AGBL4: variants seen among roughly 807,000 people sequenced by gnomAD.
The protein encoded by AGBL4 is cytosolic carboxypeptidase 6.
Under a neutral mutation model 66.4 loss-of-function variants are expected in AGBL4, and 58 were observed. That is an observed-to-expected ratio of 0.87 (90% CI 0.71 to 1.09). The LOEUF is 1.09. Ranked by LOEUF, AGBL4 falls within the 50% of genes least tolerant of loss-of-function variation. The pLI is 0.00. For synonymous variants in AGBL4, 234 were observed against 222.9 expected (o/e 1.05, Z -0.44); for missense variants, 579 against 631.0 (o/e 0.92, Z 0.88).
chr1:49,975,452 G>A (rs1658478504), intron 1 of AGBL4, among the ~76,000 whole-genome samples: 2 of 152,264 alleles, frequency 1.3e-5, no homozygotes, highest in South Asian at 2.1e-4. Flanking sequence ...TCAATGCTCA[G>A]AAAATGGCCA....
intron 3 of AGBL4, among the ~76,000 whole-genome samples, chr1:49,495,042 A>G (rs1478900770): frequency 6.6e-6 from 1 of 152,094 alleles, no homozygotes; most frequent in African/African-American, 2.4e-5. Context: ...TATTTACTTA[A>G]TTAGAGTTCT....
intron 4 of AGBL4, among the ~76,000 whole-genome samples, chr1:49,194,069 T>C (rs1036139927): frequency 6.6e-6 from 1 of 152,214 alleles, no homozygotes; most frequent in African/African-American, 2.4e-5. Context: ...TGTTTCTTTG[T>C]TGATTTTCTG....
intron 5 of AGBL4, among the ~76,000 whole-genome samples, chr1:48,868,123 C>T (rs568789030): frequency 4.6e-5 from 7 of 152,200 alleles, no homozygotes; most frequent in African/African-American, 1.7e-4. Context: ...CTTGATTTTC[C>T]CTAAATAGTA....
chr1:49,265,326 A>G (rs1490791301), intron 3 of AGBL4, among the ~76,000 whole-genome samples: 1 of 152,132 alleles, frequency 6.6e-6, no homozygotes, highest in Non-Finnish European at 1.5e-5. Context: ...TGCACCATGT[A>G]CAAAGGTTGG....
chr1:49,917,675 T>C (rs941810306), intron 1 of AGBL4, among the ~76,000 whole-genome samples: 15 of 152,042 alleles, frequency 9.9e-5, no homozygotes, highest in Admixed American at 5.9e-4. Flanking sequence ...GACAGATCAA[T>C]GAGACAGAAA....
chr1:49,272,976 G>A (rs1381669668), intron 3 of AGBL4, among the ~76,000 whole-genome samples: 1 of 152,054 alleles, frequency 6.6e-6, no homozygotes, highest in Non-Finnish European at 1.5e-5. Context: ...AGTTTATACT[G>A]TCTCTACTAG....
intron 2 of AGBL4, among the ~76,000 whole-genome samples, chr1:49,754,248 G>A (rs934100559): frequency 3.3e-5 from 5 of 149,976 alleles, no homozygotes; most frequent in Non-Finnish European, 5.9e-5. Context: ...CTTCGGATGG[G>A]GTTTTTGCAT....
At chr1:48,746,330 A>C (rs1310219832) in intron 6 of AGBL4, among the ~76,000 whole-genome samples, 1 of 152,118 alleles carries the variant, frequency 6.6e-6, no homozygotes, top group East Asian at 1.9e-4. Flanking sequence ...GGTTCTGTGA[A>C]ACAGAGGCCC....
chr1:48,776,826 G>T, intron 6 of AGBL4: 2 of 1,503,794 alleles, frequency 1.3e-6, no homozygotes, highest in South Asian at 2.5e-5. Context: ...GCACAAAGGC[G>T]TACATGGTGG....
intron 4 of AGBL4, among the ~76,000 whole-genome samples, chr1:49,104,674 T>C (rs868145279): frequency 1.3e-5 from 2 of 152,074 alleles, no homozygotes; most frequent in Non-Finnish European, 2.9e-5. Flanking sequence ...TTGCCTCTCA[T>C]GCACTCAGCC....
intron 4 of AGBL4, among the ~76,000 whole-genome samples, chr1:49,134,472 AG>A (rs1443081414): frequency 0.013 from 238 of 18,918 alleles, 1 homozygote; most frequent in Middle Eastern, 0.075. Flanking sequence ...GCCATTTTGG[AG>A]GGCCCCCCCC....
At chr1:49,965,089 T>C (rs1276094735) in intron 1 of AGBL4, among the ~76,000 whole-genome samples, 1 of 152,220 alleles carries the variant, frequency 6.6e-6, no homozygotes, top group Non-Finnish European at 1.5e-5. Context: ...AACCTCTTTA[T>C]GCTATTACTA....
chr1:48,776,489 G>A, intron 6 of AGBL4: 3 of 749,720 alleles, frequency 4.0e-6, no homozygotes, highest in East Asian at 6.8e-5. Context: ...ACGGGAGAAG[G>A]AGGCAGGAAG....
intron 2 of AGBL4, among the ~76,000 whole-genome samples, chr1:49,730,510 C>T (rs765920767): frequency 2.0e-5 from 3 of 152,088 alleles, no homozygotes; most frequent in Non-Finnish European, 4.4e-5. Flanking sequence ...TATGGCATTC[C>T]CTGGGGGCTC....
At chr1:49,506,433 G>A (rs906944758) in intron 3 of AGBL4, among the ~76,000 whole-genome samples, 1 of 152,074 alleles carries the variant, frequency 6.6e-6, no homozygotes, top group African/African-American at 2.4e-5. Flanking sequence ...GAGGGACCCA[G>A]TGGGCGGTAC....
intron 6 of AGBL4, among the ~76,000 whole-genome samples, chr1:48,667,465 G>C (rs1646207528): frequency 6.6e-6 from 1 of 152,210 alleles, no homozygotes; most frequent in Non-Finnish European, 1.5e-5. Context: ...GCAGTGTCCA[G>C]TGACTATAGC....
chr1:48,748,493 T>C (rs1477727717), intron 6 of AGBL4, among the ~76,000 whole-genome samples: 1 of 152,102 alleles, frequency 6.6e-6, no homozygotes, highest in East Asian at 1.9e-4. Flanking sequence ...GGAGAAAAAC[T>C]GGGGCAGAAG....
intron 3 of AGBL4, among the ~76,000 whole-genome samples, chr1:49,349,313 C>T (rs1645701430): frequency 6.6e-6 from 1 of 152,182 alleles, no homozygotes; most frequent in Admixed American, 6.5e-5. Flanking sequence ...TCCACCAGAA[C>T]ATGAGTTCCA....
At chr1:48,822,294 T>A (rs949832688) in intron 6 of AGBL4, among the ~76,000 whole-genome samples, 2 of 152,130 alleles carry the variant, frequency 1.3e-5, no homozygotes, top group Non-Finnish European at 2.9e-5. Flanking sequence ...AATAGGTGAA[T>A]GGATAAACAA....
Sources: allele counts gnomAD v4.1 joint callset (sites outside exome capture counted in the v4.1 genomes callset), GRCh38; gene constraint gnomAD v4.1.1; transcripts MANE v1.5; gene names NCBI Gene and HGNC (gene_info 2026-07-23, HGNC 2026-07-21).